NPHP4: variants seen among roughly 807,000 people sequenced by gnomAD.
The protein encoded by NPHP4 is nephrocystin 4, also known as nephrocystin-4.
A neutral mutation model predicts 155.8 loss-of-function variants in NPHP4; 151 were observed. That is an observed-to-expected ratio of 0.97 (90% confidence interval 0.85 to 1.11). The LOEUF is 1.11. NPHP4 is among the 50% of genes least tolerant of loss of function. The pLI, the probability that NPHP4 is intolerant of heterozygous loss-of-function variation, is 0.00. For missense variants in NPHP4, 1,956 were observed against 1,925.7 expected (o/e 1.02, Z -0.29); for synonymous variants, 845 against 816.8 (o/e 1.03, Z -0.59).
chr1:5,917,880 G>A (rs1291640032), intron 11 of NPHP4, among the ~76,000 whole-genome samples: 6 of 152,304 alleles, frequency 3.9e-5, no homozygotes, highest in Non-Finnish European at 7.3e-5. Flanking sequence ...GGCCAGAGCC[G>A]TAACTGATGG....
chr1:5,975,679 A>C (rs1160174440), intron 3 of NPHP4, among the ~76,000 whole-genome samples: 1 of 152,236 alleles, frequency 6.6e-6, no homozygotes, highest in African/African-American at 2.4e-5. Flanking sequence ...AAAAGCCACC[A>C]GCTCCTAGTC....
At chr1:5,918,837 T>C (rs1175923080) in intron 11 of NPHP4, among the ~76,000 whole-genome samples, 1 of 152,114 alleles carries the variant, frequency 6.6e-6, no homozygotes, top group Non-Finnish European at 1.5e-5. Context: ...TGAAAAGAAA[T>C]GTAATTGGTT....
intron 3 of NPHP4, among the ~76,000 whole-genome samples, chr1:5,972,339 G>A (rs963090028): frequency 8.0e-6 from 1 of 124,488 alleles, no homozygotes; most frequent in East Asian, 2.4e-4. Context: ...ACCCCTCAAA[G>A]ACAGCAGGGA....
Position 5,927,633 on chromosome 1 carries a change from C to T in NPHP4, c.1441+16G>A. 6.3e-7 allele frequency: 1 copy of T among 1,593,122 alleles called. No individual in the cohort carries two copies. Among genetic ancestry groups the T allele is most frequent in the Non-Finnish European group, 8.6e-7 (1 of 1,163,240 alleles). ...CTGCCATGTGCCTGGCCAGTCAGCT[C>T]TCTGGAAACACTTACTCGAAGGGGA... On this transcript the variant is annotated intron_variant, in intron 11 of 29. Transcript: ENST00000378156.
At chr1:5,913,926 C>A (rs147591366) in intron 11 of NPHP4, among the ~76,000 whole-genome samples, 1 of 152,248 alleles carries the variant, frequency 6.6e-6, no homozygotes, top group African/African-American at 2.4e-5. Flanking sequence ...ACATCACAGC[C>A]CAGAACAGAG....
chr1:5,938,620 C>A (rs768451844), intron 9 of NPHP4, among the ~76,000 whole-genome samples: 6 of 152,246 alleles, frequency 3.9e-5, no homozygotes, highest in Non-Finnish European at 5.9e-5. Flanking sequence ...ACAGGCTGTG[C>A]GCTGTCATTT....
chr1:5,938,371 A>G (rs1201644775), intron 9 of NPHP4, among the ~76,000 whole-genome samples: 1 of 152,250 alleles, frequency 6.6e-6, no homozygotes, highest in Non-Finnish European at 1.5e-5. Flanking sequence ...GCTGAGCAGC[A>G]GGAAGAACCA....
At chr1:5,869,045 GCCCCCACA>G (rs1557599323) in intron 23 of NPHP4, among the ~76,000 whole-genome samples, 1 of 93,916 alleles carries the variant, frequency 1.1e-5, no homozygotes, top group African/African-American at 4.2e-5. Context: ...ATGCACACAT[GCCCCCACA>G]CGCACACACA....
Position 5,896,796 on chromosome 1 carries a change from G to A in NPHP4, c.2144-5768C>T, listed in dbSNP as rs369551833. Among the ~76,000 whole-genome samples the A allele has an allele frequency of 3.3e-5, 5 of 152,264 alleles. No individual in the cohort carries two copies. In the South Asian group the frequency reaches 8.3e-4, roughly 25 times the overall value. On this transcript the variant is annotated intron_variant, in intron 16 of 29. Coordinates refer to ENST00000378156, the MANE Select transcript of NPHP4 (RefSeq NM_015102.5). ...CTCAGAGAAACGGGCCCTGGCTGGCGGCAGGGAGAGCACAAGATGAGCCTG... is the reference window on the plus strand; with the variant it reads ...CTCAGAGAAACGGGCCCTGGCTGGCAGCAGGGAGAGCACAAGATGAGCCTG...
At chr1:5,864,081 G>T in intron 28 of NPHP4, 48 bp from the exon 29 acceptor site, 1 of 1,595,778 alleles carries the variant, frequency 6.3e-7, no homozygotes, top group Admixed American at 1.7e-5. Context: ...CACGGGAACA[G>T]CCACTGGCCC....
At chr1:5,901,479 T>G (rs1644678605) in intron 16 of NPHP4, among the ~76,000 whole-genome samples, 1 of 152,252 alleles carries the variant, frequency 6.6e-6, no homozygotes. Context: ...CTTAAGAATT[T>G]TGGACTGTGA....
intron 7 of NPHP4, among the ~76,000 whole-genome samples, chr1:5,948,624 A>C (rs1647289525): frequency 2.0e-5 from 3 of 148,500 alleles, no homozygotes; most frequent in Admixed American, 6.7e-5. Flanking sequence ...CCCACAGCCC[A>C]CTCCCCCAGA....
At chr1:5,864,216 C>T (rs753224971) in intron 28 of NPHP4, 122 bp downstream of exon 28, 21 of 1,158,656 alleles carry the variant, frequency 1.8e-5, no homozygotes, top group Admixed American at 2.2e-5. Context: ...CTCATGCACC[C>T]GGCCCTGCTG....
intron 9 of NPHP4, among the ~76,000 whole-genome samples, chr1:5,939,196 A>G (rs1453242501): frequency 6.6e-6 from 1 of 152,258 alleles, no homozygotes; most frequent in African/African-American, 2.4e-5. Flanking sequence ...TGAGTGCAGT[A>G]ATTATTTTTA....
intron 8 of NPHP4, among the ~76,000 whole-genome samples, chr1:5,947,838 C>T (rs966329369): frequency 6.6e-6 from 1 of 151,900 alleles, no homozygotes; most frequent in Non-Finnish European, 1.5e-5. Flanking sequence ...TGGAAGCATC[C>T]ATAATGCTAA....
chr1:5,863,279 C>T lies in NPHP4; in HGVS notation c.4267G>A (p.Val1423Ile), dbSNP rs1045851958. The change falls in exon 30 of 30, where the codon GTC becomes ATC. Residue 1423 changes from valine to isoleucine, a missense_variant. Transcript: ENST00000378156. The stretch of plus-strand genomic sequence containing the variant: ...CCCTCAAGCCCTCACTGGTAGATGA[C>T]CTTCACGCAAAATGCCTCTTCGTTT... ...DKNEEAFCVK[V>I]IYQ The T allele has an allele frequency of 2.4e-5, 38 of 1,613,946 alleles. No individual in the cohort carries two copies. The highest frequency in any genetic ancestry group is 2.9e-5 in the Non-Finnish European group (34 of 1,179,908).
At chr1:5,927,525 C>G in intron 11 of NPHP4, 124 bp downstream of exon 11, 3 of 1,039,396 alleles carry the variant, frequency 2.9e-6, no homozygotes, top group Non-Finnish European at 4.1e-6. Flanking sequence ...TCCATTAATG[C>G]AATCTACGAC....
intron 18 of NPHP4, among the ~76,000 whole-genome samples, chr1:5,886,083 A>T (rs1413353056): frequency 6.6e-6 from 1 of 152,248 alleles, no homozygotes; most frequent in African/African-American, 2.4e-5. Flanking sequence ...ACCTGGAGTC[A>T]CTGCACATTT....
chr1:5,920,088 C>T (rs992636239), intron 11 of NPHP4, among the ~76,000 whole-genome samples: 5 of 152,140 alleles, frequency 3.3e-5, no homozygotes, highest in Admixed American at 2.0e-4. Flanking sequence ...CGTGCCACCA[C>T]GCCAGCTGAT....
Sources: gnomAD v4.1 joint callset for allele counts (sites outside exome capture counted in the v4.1 genomes callset) on GRCh38, gnomAD v4.1.1 for gene constraint, MANE v1.5 for transcripts, NCBI Gene and HGNC (gene_info 2026-07-23, HGNC 2026-07-21) for gene names.